Variants in CADPS2 observed in about 807,000 individuals in gnomAD.
The protein encoded by CADPS2 is calcium-dependent secretion activator 2.
CADPS2 carries 93 observed loss-of-function variants against 172.5 expected under a neutral mutation model. That is an observed-to-expected ratio of 0.54 (90% CI 0.46 to 0.64). The LOEUF (loss-of-function observed/expected upper bound fraction) is 0.64. Among genes scored for constraint, CADPS2 ranks in the 30% least tolerant of loss-of-function variants. The pLI is 0.00. For missense variants in CADPS2, 1,420 were observed against 1,565.9 expected (o/e 0.91, Z 1.57); for synonymous variants, 546 against 555.2 (o/e 0.98, Z 0.23).
intron 29 of CADPS2, among the ~76,000 whole-genome samples, chr7:122,321,273 C>T (rs554167615): frequency 6.6e-6 from 1 of 152,118 alleles, no homozygotes; most frequent in Admixed American, 6.5e-5. Context: ...CTGAAGCAAT[C>T]CTGCCACCTT....
intron 17 of CADPS2, chr7:122,426,115 T>C (rs2151852389): frequency 6.6e-6 from 1 of 152,316 alleles, no homozygotes; most frequent in East Asian, 1.9e-4. Context: ...AAAGAGAAGA[T>C]ATTTGGAGAC....
intron 7 of CADPS2, among the ~76,000 whole-genome samples, chr7:122,567,386 T>C (rs529586345): frequency 1.2e-4 from 19 of 152,308 alleles, no homozygotes; most frequent in Non-Finnish European, 2.4e-4. Context: ...CTAGGTTGTT[T>C]GTTTTATTTG....
chr7:122,332,603 C>T (rs1342093363), intron 28 of CADPS2, among the ~76,000 whole-genome samples: 2 of 152,086 alleles, frequency 1.3e-5, no homozygotes, highest in South Asian at 2.1e-4. Context: ...CTAATAAATG[C>T]TTGTTGAATG....
At chr7:122,511,388 T>C (rs531611169) in intron 9 of CADPS2, among the ~76,000 whole-genome samples, 3 of 152,262 alleles carry the variant, frequency 2.0e-5, no homozygotes, top group African/African-American at 7.2e-5. Context: ...AAAAGATTAC[T>C]TGGAACCTTA....
At chr7:122,817,315 T>C (rs1801762118) in intron 1 of CADPS2, among the ~76,000 whole-genome samples, 1 of 152,176 alleles carries the variant, frequency 6.6e-6, no homozygotes, top group South Asian at 2.1e-4. Context: ...TCTCACCAAT[T>C]TTAAATCAGG....
At chr7:122,370,565 AATAG>A (rs1353864185) in intron 25 of CADPS2, among the ~76,000 whole-genome samples, 3 of 152,170 alleles carry the variant, frequency 2.0e-5, no homozygotes, top group African/African-American at 7.2e-5. Flanking sequence ...TACAAAGAAT[AATAG>A]ATAAAGAGGA....
At chr7:122,393,122 C>T in intron 22 of CADPS2, 74 bp downstream of exon 22, 1 of 1,530,578 alleles carries the variant, frequency 6.5e-7, no homozygotes, top group Non-Finnish European at 8.8e-7. Context: ...GCAGTCTAAA[C>T]ACATCTGCGC....
At position 122,837,282 on chromosome 7, in the gene CADPS2, G is replaced by T. The variant is rs374337152; in HGVS notation, c.339+48717C>A. Among the ~76,000 whole-genome samples, 38 of 151,952 alleles carry T rather than the reference G, an allele frequency of 2.5e-4. No individual in the cohort carries two copies. The East Asian group carries it at 5.0e-3, about 20-fold the overall frequency. On this transcript the variant is annotated intron_variant, in intron 1 of 29. Coordinates refer to ENST00000449022, the MANE Select transcript of CADPS2 (RefSeq NM_017954.11). ...TCTCTGGGACACATTTAAAGCAGTG[G>T]GTAGAGGGAAATTTATAGCACTAAA...
chr7:122,809,307 C>T (rs1265777770), intron 1 of CADPS2, among the ~76,000 whole-genome samples: 3 of 151,762 alleles, frequency 2.0e-5, no homozygotes, highest in Non-Finnish European at 2.9e-5. Context: ...CAGTGGCTCA[C>T]GCCTATAATC....
intron 8 of CADPS2, among the ~76,000 whole-genome samples, chr7:122,549,617 T>C (rs936874238): frequency 6.8e-6 from 1 of 146,310 alleles, no homozygotes; most frequent in Non-Finnish European, 1.5e-5. Context: ...TGAGACTCTG[T>C]CTTAAAAAAA....
intron 2 of CADPS2, chr7:122,701,629 C>A (rs550889235): frequency 5.7e-4 from 222 of 389,010 alleles, no homozygotes; most frequent in Middle Eastern, 1.4e-3. Flanking sequence ...CCTAAAAAAA[C>A]AATTAAAACT....
intron 1 of CADPS2, among the ~76,000 whole-genome samples, chr7:122,741,789 G>A (rs554560483): frequency 1.3e-5 from 2 of 152,184 alleles, no homozygotes; most frequent in East Asian, 3.9e-4. Flanking sequence ...TGAAATCAGT[G>A]TCCCTATGGC....
At chr7:122,566,961 C>G (rs986050074) in intron 7 of CADPS2, among the ~76,000 whole-genome samples, 2 of 152,116 alleles carry the variant, frequency 1.3e-5, no homozygotes, top group Non-Finnish European at 2.9e-5. Flanking sequence ...GCCTTACCCT[C>G]AAAAGGATAA....
At chr7:122,819,715 C>T (rs1415550509) in intron 1 of CADPS2, among the ~76,000 whole-genome samples, 2 of 152,044 alleles carry the variant, frequency 1.3e-5, no homozygotes, top group Non-Finnish European at 1.5e-5. Context: ...TATCTGCTTC[C>T]CTGACTATTC....
chr7:122,483,003 C>A lies in CADPS2; in HGVS notation c.1853-2143G>T, dbSNP rs542511821. Reference sequence around the variant, plus strand: ...TTTCAGCAGCAAGAATATAAAAGCTCATAATTCACAGGTTATCAGTTAGAG... The same window carrying A: ...TTTCAGCAGCAAGAATATAAAAGCTAATAATTCACAGGTTATCAGTTAGAG... On this transcript the variant is annotated intron_variant, in intron 11 of 29. Coordinates refer to ENST00000449022, the MANE Select transcript of CADPS2 (RefSeq NM_017954.11). Among the ~76,000 whole-genome samples, 17 of 152,306 alleles carry A rather than the reference C, an allele frequency of 1.1e-4. No individual in the cohort carries two copies. The South Asian group carries it at 3.5e-3, about 32-fold the overall frequency.
At chr7:122,790,826 C>T (rs912061569) in intron 1 of CADPS2, among the ~76,000 whole-genome samples, 1 of 152,098 alleles carries the variant, frequency 6.6e-6, no homozygotes, top group Non-Finnish European at 1.5e-5. Flanking sequence ...GTCATAAAAT[C>T]CAAGCTGCTG....
At chr7:122,344,631 G>A (rs1019432654) in intron 28 of CADPS2, among the ~76,000 whole-genome samples, 5 of 152,102 alleles carry the variant, frequency 3.3e-5, no homozygotes, top group Admixed American at 3.3e-4. Context: ...TGGCTTTACT[G>A]CAGCTTATTT....
In CADPS2 at chr7:122,737,195, A is replaced by G. The variant is rs982836496; in HGVS notation, c.340-127T>C. The G allele has an allele frequency of 1.4e-5, 8 of 586,708 alleles. No homozygotes were observed. The African/African-American group carries it at 1.5e-4, about 11-fold the overall frequency. 36.3% of individuals were successfully genotyped at this position (586,708 alleles called of 1,614,324 possible). On this transcript the variant is annotated intron_variant, in intron 1 of 29. Coordinates refer to ENST00000449022, the MANE Select transcript of CADPS2 (RefSeq NM_017954.11). The stretch of plus-strand genomic sequence containing the variant: ...ATTAACTTTATAGTAAAGAAAAATA[A>G]AAGCTAAAACATCCTACTACTTGTT...
At chr7:122,669,807 C>G (rs1221311106) in intron 2 of CADPS2, among the ~76,000 whole-genome samples, 1 of 151,974 alleles carries the variant, frequency 6.6e-6, no homozygotes, top group Non-Finnish European at 1.5e-5. Flanking sequence ...TACCTCACAT[C>G]TCTCCTTAGG....
Sources: allele counts gnomAD v4.1 joint callset (sites outside exome capture counted in the v4.1 genomes callset), GRCh38; gene constraint gnomAD v4.1.1; transcripts MANE v1.5; gene names NCBI Gene and HGNC (gene_info 2026-07-23, HGNC 2026-07-21).